GPC6: variants seen among roughly 807,000 people sequenced by gnomAD.
GPC6 encodes the protein glypican-6.
In GPC6, 14 loss-of-function variants were observed where a neutral mutation model predicts 55.2. The observed-to-expected ratio is 0.25, with a 90% CI of 0.17 to 0.40. The LOEUF (loss-of-function observed/expected upper bound fraction) is 0.40, where lower values mean the gene tolerates loss of function less well. GPC6 is among the 10% of genes least tolerant of loss of function. The pLI is 1.00. For synonymous variants in GPC6, 278 were observed against 259.6 expected (o/e 1.07, Z -0.68); for missense variants, 641 against 708.5 (o/e 0.90, Z 1.08).
intron 4 of GPC6, among the ~76,000 whole-genome samples, chr13:94,111,703 A>G (rs927839178): frequency 7.9e-5 from 12 of 152,008 alleles, no homozygotes; most frequent in African/African-American, 2.7e-4. Context: ...AATTGATCGT[A>G]TTGGTTTATT....
At position 94,294,981 on chromosome 13, in the gene GPC6, G is replaced by A. The variant is rs547729397; in HGVS notation, c.1008+8502G>A. Among the ~76,000 whole-genome samples, 7 of 152,260 alleles carry A rather than the reference G, an allele frequency of 4.6e-5. No homozygotes were observed. In the South Asian group the frequency reaches 1.2e-3, roughly 27 times the overall value. Reference sequence around the variant, plus strand: ...ACACATTGTTTTACACATGGAAGAAGCAGTACATTGTGCTGAGTTGAATTC... The same window carrying A: ...ACACATTGTTTTACACATGGAAGAAACAGTACATTGTGCTGAGTTGAATTC... On this transcript the variant is annotated intron_variant, in intron 5 of 8. Coordinates refer to ENST00000377047, the MANE Select transcript of GPC6 (RefSeq NM_005708.5).
chr13:94,329,946 T>C (rs1292422862), intron 6 of GPC6, among the ~76,000 whole-genome samples: 1 of 152,192 alleles, frequency 6.6e-6, no homozygotes, highest in Non-Finnish European at 1.5e-5. Flanking sequence ...CATGTAGTGA[T>C]TCATCAAAGG....
chr13:94,162,384 C>A (rs1210415254), intron 4 of GPC6, among the ~76,000 whole-genome samples: 1 of 152,212 alleles, frequency 6.6e-6, no homozygotes, highest in African/African-American at 2.4e-5. Context: ...TGTTAAATTG[C>A]TCCTTGAGAA....
At chr13:94,271,470 G>A (rs76871554) in intron 4 of GPC6, among the ~76,000 whole-genome samples, 2,781 of 151,880 alleles carry the variant, frequency 0.018, 78 homozygotes, top group African/African-American at 0.063. Context: ...GACAAGTCCA[G>A]GCAAATTCAC....
intron 1 of GPC6, among the ~76,000 whole-genome samples, chr13:93,281,970 TAAA>T (rs1877966041): frequency 6.6e-6 from 1 of 152,182 alleles, no homozygotes; most frequent in Admixed American, 6.5e-5. Flanking sequence ...GATGGAAAGG[TAAA>T]AAGGTGAGGT....
chr13:93,587,410 C>T (rs1877255664), intron 2 of GPC6, among the ~76,000 whole-genome samples: 1 of 152,062 alleles, frequency 6.6e-6, no homozygotes. Context: ...CTTCTTCTAG[C>T]TTTTATATCT....
At chr13:93,939,042 C>T (rs1398961833) in intron 3 of GPC6, among the ~76,000 whole-genome samples, 1 of 152,026 alleles carries the variant, frequency 6.6e-6, no homozygotes, top group Non-Finnish European at 1.5e-5. Flanking sequence ...GTGGAGGCTG[C>T]AGTGAGCCCA....
chr13:93,460,760 C>T (rs1429171519), intron 1 of GPC6, among the ~76,000 whole-genome samples: 1 of 151,992 alleles, frequency 6.6e-6, no homozygotes, highest in African/African-American at 2.4e-5. Flanking sequence ...ATCAGACAAA[C>T]CAAATAACTA....
At chr13:94,033,898 C>T (rs147071714) in intron 4 of GPC6, among the ~76,000 whole-genome samples, 29 of 152,214 alleles carry the variant, frequency 1.9e-4, no homozygotes, top group Non-Finnish European at 4.0e-4. Context: ...AGTCTAGAAA[C>T]GCAACCCTGA....
chr13:93,378,696 T>A (rs938249928), intron 1 of GPC6, among the ~76,000 whole-genome samples: 5 of 152,124 alleles, frequency 3.3e-5, no homozygotes, highest in African/African-American at 1.2e-4. Context: ...TTATTGTTTT[T>A]AAAAATCAGT....
chr13:94,196,790 A>G lies in GPC6; in HGVS notation c.878-89559A>G, dbSNP rs962730604. ...TTCTTCCCATAACTGCCACACAACC[A>G]TATTTGACGGAAAAGGAACTTCAAT... On this transcript the variant is annotated intron_variant, in intron 4 of 8. Transcript: ENST00000377047. 7.2e-5 allele frequency among the ~76,000 whole-genome samples: 11 copies of G among 152,306 alleles called. No individual in the cohort carries two copies. In the East Asian group the frequency reaches 1.7e-3, roughly 24 times the overall value.
intron 6 of GPC6, among the ~76,000 whole-genome samples, chr13:94,312,726 A>G (rs998869593): frequency 2.0e-5 from 3 of 147,922 alleles, no homozygotes; most frequent in Non-Finnish European, 4.4e-5. Flanking sequence ...GCACGCACAC[A>G]CACACACACA....
At chr13:93,529,091 A>G (rs1469112938) in intron 1 of GPC6, among the ~76,000 whole-genome samples, 1 of 152,166 alleles carries the variant, frequency 6.6e-6, no homozygotes, top group East Asian at 1.9e-4. Context: ...CTACCATAAG[A>G]CATATATATT....
At chr13:93,770,339 A>C (rs4773762) in intron 2 of GPC6, among the ~76,000 whole-genome samples, 31,406 of 152,078 alleles carry the variant, frequency 0.21, 3,720 homozygotes, top group Non-Finnish European at 0.26. Context: ...TGTTCAATGA[A>C]TGTTACATAT....
chr13:93,509,869 T>G (rs932252642), intron 1 of GPC6, among the ~76,000 whole-genome samples: 2 of 152,218 alleles, frequency 1.3e-5, no homozygotes, highest in Non-Finnish European at 2.9e-5. Context: ...TTTTGCATAA[T>G]AGTTAGGACA....
intron 7 of GPC6, among the ~76,000 whole-genome samples, chr13:94,390,084 T>C (rs1880578097): frequency 6.6e-6 from 1 of 152,186 alleles, no homozygotes. Flanking sequence ...TAGAAAAATC[T>C]AGAAAATAGA....
intron 1 of GPC6, among the ~76,000 whole-genome samples, chr13:93,483,147 T>C (rs2139344046): frequency 6.6e-6 from 1 of 152,318 alleles, no homozygotes; most frequent in South Asian, 2.1e-4. Flanking sequence ...TGCATAATCT[T>C]CATTTTCATT....
chr13:94,200,374 A>T (rs918916922), intron 4 of GPC6, among the ~76,000 whole-genome samples: 15 of 152,178 alleles, frequency 9.9e-5, no homozygotes, highest in Admixed American at 5.2e-4. Context: ...GCACATGAGG[A>T]TATGTAACAA....
At chr13:94,104,851 T>C (rs185477976) in intron 4 of GPC6, among the ~76,000 whole-genome samples, 205 of 152,278 alleles carry the variant, frequency 1.3e-3, no homozygotes, top group African/African-American at 4.7e-3. Flanking sequence ...TCCATGCTCA[T>C]GGGTAGGAAG....
Sources: gnomAD v4.1 joint callset for allele counts (sites outside exome capture counted in the v4.1 genomes callset) on GRCh38, gnomAD v4.1.1 for gene constraint, MANE v1.5 for transcripts, NCBI Gene and HGNC (gene_info 2026-07-23, HGNC 2026-07-21) for gene names.